The following POU6F2 variants were observed in gnomAD, a reference collection of about 807,000 sequenced individuals.
The protein encoded by POU6F2 is POU class 6 homeobox 2.
Under a neutral mutation model 71.3 loss-of-function variants are expected in POU6F2, and 31 were observed. The observed-to-expected ratio is 0.43, with a 90% CI of 0.33 to 0.59. POU6F2 has a LOEUF of 0.59. POU6F2 is among the 20% of genes least tolerant of loss of function. POU6F2 has a pLI of 0.04. For synonymous variants in POU6F2, 347 were observed against 355.7 expected (o/e 0.98, Z 0.27); for missense variants, 783 against 856.8 (o/e 0.91, Z 1.07).
At chr7:39,234,898 AC>A (rs1794646444) in intron 4 of POU6F2, among the ~76,000 whole-genome samples, 1 of 152,190 alleles carries the variant, frequency 6.6e-6, no homozygotes, top group Admixed American at 6.5e-5. Flanking sequence ...CAGACTGCTA[AC>A]TGAGTGAAAT....
At chr7:39,450,498 C>T (rs927890624) in intron 7 of POU6F2, among the ~76,000 whole-genome samples, 11 of 152,236 alleles carry the variant, frequency 7.2e-5, no homozygotes, top group Admixed American at 3.9e-4. Flanking sequence ...GACATCCTTC[C>T]TGGGCCTCCA....
Position 39,052,155 on chromosome 7 carries a change from G to A in POU6F2, c.106-33705G>A, listed in dbSNP as rs200980531. 1.4e-3 allele frequency among the ~76,000 whole-genome samples: 210 copies of A among 152,204 alleles called. 5 individuals are homozygous for A. In the South Asian group the frequency reaches 0.023, roughly 17 times the overall value. On this transcript the variant is annotated intron_variant, in intron 1 of 9. Transcript: ENST00000518318. ...GCATCACATAGTGTGTCTTTCCAGT[G>A]TGACAGGAGCCATACCTAGCCAGTT...
At chr7:39,362,104 G>T (rs1786400967) in intron 5 of POU6F2, among the ~76,000 whole-genome samples, 1 of 152,134 alleles carries the variant, frequency 6.6e-6, no homozygotes, top group South Asian at 2.1e-4. Context: ...CTATCCCCTT[G>T]TTTAAAACTA....
chr7:39,384,698 T>A (rs1173518238), intron 5 of POU6F2, among the ~76,000 whole-genome samples: 2 of 152,214 alleles, frequency 1.3e-5, no homozygotes, highest in South Asian at 2.1e-4. Flanking sequence ...CTCAGAGAGA[T>A]CTCTCCTGAC....
intron 2 of POU6F2, among the ~76,000 whole-genome samples, chr7:39,109,371 T>C (rs1791758284): frequency 6.6e-6 from 1 of 152,200 alleles, no homozygotes; most frequent in African/African-American, 2.4e-5. Flanking sequence ...AATAATTCCA[T>C]ATACGATTAT....
chr7:39,078,054 G>A (rs1267266676), intron 1 of POU6F2, among the ~76,000 whole-genome samples: 2 of 152,228 alleles, frequency 1.3e-5, no homozygotes, highest in African/African-American at 4.8e-5. Context: ...CATATGGTTA[G>A]AGATGAGTGA....
intron 4 of POU6F2, among the ~76,000 whole-genome samples, chr7:39,303,768 A>G (rs933600837): frequency 6.6e-6 from 1 of 152,240 alleles, no homozygotes; most frequent in Middle Eastern, 3.2e-3. Flanking sequence ...ATAGGAAAGG[A>G]AAGAAGAGAG....
chr7:39,401,087 T>A (rs919784324), intron 5 of POU6F2, among the ~76,000 whole-genome samples: 7 of 152,220 alleles, frequency 4.6e-5, no homozygotes, highest in Non-Finnish European at 8.8e-5. Flanking sequence ...TGGATTTCTG[T>A]GGCTCCACCC....
At chr7:39,047,944 T>A (rs1584516277) in intron 1 of POU6F2, among the ~76,000 whole-genome samples, 1 of 151,984 alleles carries the variant, frequency 6.6e-6, no homozygotes, top group Admixed American at 6.6e-5. Context: ...TTTTTGCCTC[T>A]GTATTCTCAG....
At chr7:39,252,134 C>A (rs1435191030) in intron 4 of POU6F2, among the ~76,000 whole-genome samples, 1 of 152,024 alleles carries the variant, frequency 6.6e-6, no homozygotes, top group Non-Finnish European at 1.5e-5. Flanking sequence ...GTGGAAAGAT[C>A]AGCACATCAT....
At chr7:39,447,905 A>G (rs957096636) in intron 7 of POU6F2, among the ~76,000 whole-genome samples, 1 of 152,232 alleles carries the variant, frequency 6.6e-6, no homozygotes, top group Non-Finnish European at 1.5e-5. Flanking sequence ...AAACAACAAC[A>G]TAATTAAATC....
rs1265490461 is a variant in POU6F2 at position 39,467,871 on chromosome 7, C to T, written c.*3185C>T. The T allele has an allele frequency of 2.6e-5, 4 of 151,890 alleles. No individual in the cohort carries two copies. The highest frequency in any genetic ancestry group is 9.7e-5 in the African/African-American group (4 of 41,350). The allele number at this position is 151,890 out of a possible 1,614,324, so 9.4% of individuals were successfully genotyped here. On this transcript the variant is annotated 3_prime_UTR_variant, in exon 10 of 10. Transcript: ENST00000518318. ...CGTTTCTCTACGCTGGACCAAAGCT[C>T]AATATTTGTAGGTATATGCACATTG...
intron 4 of POU6F2, among the ~76,000 whole-genome samples, chr7:39,255,341 G>A: frequency 6.6e-6 from 1 of 152,306 alleles, no homozygotes; most frequent in Middle Eastern, 3.4e-3. Context: ...TTTAAATTAT[G>A]AAAGTATTCC....
chr7:39,009,649 G>T (rs756840890), intron 1 of POU6F2, among the ~76,000 whole-genome samples: 1 of 152,154 alleles, frequency 6.6e-6, no homozygotes, highest in East Asian at 1.9e-4. Flanking sequence ...GTATGATATT[G>T]GCTGTGGGTT....
chr7:39,349,290 T>C (rs1786092862), intron 5 of POU6F2, among the ~76,000 whole-genome samples: 1 of 152,190 alleles, frequency 6.6e-6, no homozygotes, highest in Admixed American at 6.5e-5. Flanking sequence ...CTTGGAGACC[T>C]TCTCTTCCAG....
Position 39,340,110 on chromosome 7 carries a change from T to C in POU6F2, c.972+95T>C, listed in dbSNP as rs1014574531. 2.8e-6 allele frequency: 4 copies of C among 1,433,326 alleles called. No individual in the cohort carries two copies. In the African/African-American group the frequency reaches 5.7e-5, roughly 20 times the overall value. 88.8% of individuals were successfully genotyped at this position (1,433,326 alleles called of 1,614,324 possible). ...CAAAGGCAGAGGGACCACACAAAAC[T>C]TAGCATCCAGTTCTGCAGCATCTAA... On this transcript the variant is annotated intron_variant, in intron 5 of 9. Coordinates refer to ENST00000518318, the MANE Select transcript of POU6F2 (RefSeq NM_001370959.1).
At chr7:39,030,543 T>TATATGTATGTATAC (rs1491146903) in intron 1 of POU6F2, among the ~76,000 whole-genome samples, 8 of 88,014 alleles carry the variant, frequency 9.1e-5, no homozygotes, top group African/African-American at 2.4e-4. Context: ...TATATATATA[T>TATATGTATGTATAC]ACACACACAT....
chr7:39,279,089 A>G lies in POU6F2; in HGVS notation c.599-60553A>G, dbSNP rs920337553. Among the ~76,000 whole-genome samples the G allele has an allele frequency of 2.6e-5, 4 of 152,122 alleles. No individual in the cohort carries two copies. The East Asian group carries it at 5.8e-4, about 22-fold the overall frequency. On this transcript the variant is annotated intron_variant, in intron 4 of 9. Transcript: ENST00000518318. ...GTCTCTCCGGACTGCCTGGTGTGTCATGCACGGCCATTCAGAATCGGCTCC... is the reference window on the plus strand; with the variant it reads ...GTCTCTCCGGACTGCCTGGTGTGTCGTGCACGGCCATTCAGAATCGGCTCC...
intron 5 of POU6F2, among the ~76,000 whole-genome samples, chr7:39,395,346 T>A (rs1787153346): frequency 6.6e-6 from 1 of 152,202 alleles, no homozygotes; most frequent in Non-Finnish European, 1.5e-5. Flanking sequence ...TTGATGATGC[T>A]ATTCCCAGTG....
Sources: allele counts gnomAD v4.1 joint callset (sites outside exome capture counted in the v4.1 genomes callset), GRCh38; gene constraint gnomAD v4.1.1; transcripts MANE v1.5; gene names NCBI Gene and HGNC (gene_info 2026-07-23, HGNC 2026-07-21).